Variants in SORCS3 observed in about 807,000 individuals in gnomAD.
The protein encoded by SORCS3 is VPS10 domain-containing receptor SorCS3.
In SORCS3, 57 loss-of-function variants were observed where a neutral mutation model predicts 146.3. The observed-to-expected ratio is 0.39, with a 90% CI of 0.31 to 0.49. The LOEUF is 0.49. SORCS3 is among the 20% of genes least tolerant of loss of function. The probability of loss-of-function intolerance (pLI) is 0.92; values close to 1 mark genes in which losing one functional copy is unlikely to be tolerated. For missense variants in SORCS3, 1,341 were observed against 1,575.5 expected, an observed-to-expected ratio of 0.85 and a Z score of 2.52; for synonymous variants, 653 against 618.5, an observed-to-expected ratio of 1.06 and a Z score of -0.83.
chr10:105,165,216 G>A, intron 12 of SORCS3, among the ~76,000 whole-genome samples: 1 of 152,016 alleles, frequency 6.6e-6, no homozygotes, highest in Non-Finnish European at 1.5e-5. Flanking sequence ...AGGAGAAATG[G>A]GTTCGTAGCT....
chr10:104,702,881 T>A (rs1188169013), intron 1 of SORCS3, among the ~76,000 whole-genome samples: 1 of 152,190 alleles, frequency 6.6e-6, no homozygotes, highest in Non-Finnish European at 1.5e-5. Flanking sequence ...ACAGGGTTGT[T>A]GTGAGGATCA....
chr10:104,802,588 A>G (rs1247382687), intron 1 of SORCS3, among the ~76,000 whole-genome samples: 1 of 152,214 alleles, frequency 6.6e-6, no homozygotes, highest in African/African-American at 2.4e-5. Context: ...AAGAGAGGAA[A>G]GATACTCAGT....
At chr10:105,243,856 G>A (rs1322445841) in intron 20 of SORCS3, among the ~76,000 whole-genome samples, 1 of 152,172 alleles carries the variant, frequency 6.6e-6, no homozygotes, top group African/African-American at 2.4e-5. Context: ...GAGCTAGAAA[G>A]GAATTTCAGT....
intron 2 of SORCS3, among the ~76,000 whole-genome samples, chr10:104,885,140 G>T (rs559863058): frequency 6.6e-6 from 1 of 152,262 alleles, no homozygotes; most frequent in African/African-American, 2.4e-5. Flanking sequence ...CAAGGAGACT[G>T]GGCTGCTGCT....
At chr10:104,967,807 C>T (rs1404788) in intron 3 of SORCS3, among the ~76,000 whole-genome samples, 13,671 of 151,524 alleles carry the variant, frequency 0.09, 753 homozygotes, top group South Asian at 0.25. Context: ...CATAAGTGCA[C>T]GCCACCACAC....
intron 5 of SORCS3, among the ~76,000 whole-genome samples, chr10:105,081,452 A>G (rs1251105689): frequency 6.6e-6 from 1 of 152,136 alleles, no homozygotes; most frequent in Non-Finnish European, 1.5e-5. Flanking sequence ...GGTCTATGGC[A>G]TGAATGGGGT....
chr10:104,731,692 G>T (rs1038056408), intron 1 of SORCS3, among the ~76,000 whole-genome samples: 37 of 152,184 alleles, frequency 2.4e-4, no homozygotes, highest in Non-Finnish European at 2.9e-4. Context: ...CCATGGAGCT[G>T]CCCAGGTTAT....
At chr10:104,883,107 A>G (rs1042291388) in intron 2 of SORCS3, among the ~76,000 whole-genome samples, 10 of 152,186 alleles carry the variant, frequency 6.6e-5, no homozygotes, top group Non-Finnish European at 1.2e-4. Context: ...GGATGTCGGG[A>G]AGATTCCTGA....
chr10:105,060,193 C>G (rs1437176570), intron 5 of SORCS3, among the ~76,000 whole-genome samples: 1 of 152,018 alleles, frequency 6.6e-6, no homozygotes, highest in African/African-American at 2.4e-5. Context: ...AGCTTGTGTG[C>G]GTGCTTGTGG....
At chr10:104,804,422 A>G (rs1589505404) in intron 1 of SORCS3, among the ~76,000 whole-genome samples, 1 of 152,208 alleles carries the variant, frequency 6.6e-6, no homozygotes, top group African/African-American at 2.4e-5. Flanking sequence ...AGCAAATGTT[A>G]GTTTTCTTCC....
chr10:105,053,836 T>A (rs2133712661), intron 5 of SORCS3, among the ~76,000 whole-genome samples: 1 of 152,144 alleles, frequency 6.6e-6, no homozygotes, highest in Admixed American at 6.5e-5. Flanking sequence ...ATAATGTTGT[T>A]TTAGAAACAT....
chr10:104,883,071 T>A (rs967881860), intron 2 of SORCS3, among the ~76,000 whole-genome samples: 3 of 152,014 alleles, frequency 2.0e-5, no homozygotes, highest in Admixed American at 1.3e-4. Context: ...AGGAGCTTCA[T>A]TTTTTTTATT....
At chr10:104,895,699 G>A (rs1327152070) in intron 2 of SORCS3, among the ~76,000 whole-genome samples, 1 of 152,126 alleles carries the variant, frequency 6.6e-6, no homozygotes, top group Non-Finnish European at 1.5e-5. Flanking sequence ...GCAAGGAAAG[G>A]GCTCCCTCTG....
chr10:105,095,745 A>C (rs1428476347), intron 6 of SORCS3, among the ~76,000 whole-genome samples: 2 of 142,272 alleles, frequency 1.4e-5, no homozygotes, highest in Non-Finnish European at 3.2e-5. Flanking sequence ...GCAGACGTGG[A>C]GAGTAGACAC....
At chr10:104,988,595 T>C (rs896021817) in intron 4 of SORCS3, among the ~76,000 whole-genome samples, 2 of 152,200 alleles carry the variant, frequency 1.3e-5, no homozygotes, top group South Asian at 2.1e-4. Flanking sequence ...AACCAAGGTG[T>C]TTGTCATTTA....
At chr10:104,952,818 A>G (rs2019446798) in intron 3 of SORCS3, among the ~76,000 whole-genome samples, 1 of 152,248 alleles carries the variant, frequency 6.6e-6, no homozygotes, top group African/African-American at 2.4e-5. Flanking sequence ...ATAAATTAAC[A>G]GGAATGGGAA....
chr10:105,176,506 T>C (rs1019781607), intron 13 of SORCS3, among the ~76,000 whole-genome samples: 1 of 151,952 alleles, frequency 6.6e-6, no homozygotes, highest in African/African-American at 2.4e-5. Context: ...TGAGCTATGA[T>C]CACGCCGATG....
chr10:104,893,674 G>A (rs927428223), intron 2 of SORCS3, among the ~76,000 whole-genome samples: 3 of 152,136 alleles, frequency 2.0e-5, no homozygotes, highest in African/African-American at 7.2e-5. Context: ...ATTAGGGCTC[G>A]TTTCCTTCCA....
intron 3 of SORCS3, 107 bp from the exon 4 acceptor site, chr10:104,977,228 T>G: frequency 1.2e-6 from 1 of 806,084 alleles, no homozygotes; most frequent in Non-Finnish European, 1.8e-6. Flanking sequence ...GATGCTCCTT[T>G]ATGTGCTATG....
Sources: gnomAD v4.1 joint callset for allele counts (sites outside exome capture counted in the v4.1 genomes callset) on GRCh38, gnomAD v4.1.1 for gene constraint, MANE v1.5 for transcripts, NCBI Gene and HGNC (gene_info 2026-07-23, HGNC 2026-07-21) for gene names.